Variants in PCDHGA1 observed in about 807,000 individuals in gnomAD.
PCDHGA1 encodes the protein protocadherin gamma-A1.
Under a neutral mutation model 58.0 loss-of-function variants are expected in PCDHGA1, and 32 were observed. The observed-to-expected ratio is 0.55, with a 90% CI of 0.42 to 0.74. The LOEUF is 0.74. Ranked by LOEUF, PCDHGA1 falls within the 30% of genes least tolerant of loss-of-function variation. The pLI is 0.00. For synonymous variants in PCDHGA1, 498 were observed against 501.1 expected (o/e 0.99, Z 0.08); for missense variants, 1,205 against 1,182.3 (o/e 1.02, Z -0.28).
rs9324852 is a variant in PCDHGA1, at chr5:141,510,333, C to T, written c.2570-614C>T. On this transcript the variant is annotated intron_variant, in intron 3 of 3. Coordinates refer to ENST00000517417, the MANE Select transcript of PCDHGA1 (RefSeq NM_018912.3). ...AGGCTTGGAAGAGCACTCTTCACCC[C>T]CACCCCACACACTTACTAACGGAAC... Among the ~76,000 whole-genome samples the T allele has an allele frequency of 2.4e-3, 367 of 151,698 alleles. 1 individual carries two copies. Among genetic ancestry groups the T allele is most frequent in the African/African-American group, 8.4e-3 (348 of 41,384 alleles).
intron 1 of PCDHGA1, among the ~76,000 whole-genome samples, chr5:141,458,063 G>A (rs1011861177): frequency 1.3e-5 from 2 of 152,190 alleles, no homozygotes; most frequent in African/African-American, 4.8e-5. Context: ...CTGCACTGAT[G>A]CGAACAACTA....
chr5:141,506,398 A>T (rs902405970), intron 3 of PCDHGA1, among the ~76,000 whole-genome samples: 6 of 151,394 alleles, frequency 4.0e-5, no homozygotes, highest in Admixed American at 2.6e-4. Context: ...GTGAGCAGAA[A>T]ATCGCACCAC....
At chr5:141,387,016 T>C (rs2090783508) in intron 1 of PCDHGA1, among the ~76,000 whole-genome samples, 1 of 152,202 alleles carries the variant, frequency 6.6e-6, no homozygotes, top group South Asian at 2.1e-4. Flanking sequence ...ACTTTGAAGA[T>C]GAATGTTGTA....
intron 1 of PCDHGA1, chr5:141,350,317 G>A: frequency 6.5e-7 from 1 of 1,527,098 alleles, no homozygotes; most frequent in Non-Finnish European, 8.8e-7. Flanking sequence ...TTCCCTTCCT[G>A]CTGTCTTTGT....
At chr5:141,497,500 T>G (rs1468175808) in intron 2 of PCDHGA1, among the ~76,000 whole-genome samples, 2 of 151,562 alleles carry the variant, frequency 1.3e-5, no homozygotes, top group Non-Finnish European at 2.9e-5. Context: ...CTCTCTCCTC[T>G]CTCTGCTTCC....
chr5:141,390,464 T>C (rs2092153361), intron 1 of PCDHGA1: 3 of 718,912 alleles, frequency 4.2e-6, no homozygotes, highest in Admixed American at 3.0e-5. Flanking sequence ...GTAGGAGCAA[T>C]TGTGTGGCCC....
Position 141,478,294 on chromosome 5 carries a change from A to G in PCDHGA1, c.2422-16513A>G, listed in dbSNP as rs147994096. The G allele has an allele frequency of 3.6e-3, 5,805 of 1,614,110 alleles. 30 individuals are homozygous for G. Among genetic ancestry groups the G allele is most frequent in the Non-Finnish European group, 3.4e-3 (4,026 of 1,180,032 alleles). The stretch of plus-strand genomic sequence containing the variant: ...ACAAGTGGAAGCAGTCTAGAGACCT[A>G]TACCGAGCCCCGGTGAGCTCACTGT... On this transcript the variant is annotated intron_variant, in intron 1 of 3. Coordinates refer to ENST00000517417, the MANE Select transcript of PCDHGA1 (RefSeq NM_018912.3).
chr5:141,469,573 CTAAA>C (rs1209972534), intron 1 of PCDHGA1, among the ~76,000 whole-genome samples: 2 of 151,554 alleles, frequency 1.3e-5, no homozygotes, highest in Non-Finnish European at 2.9e-5. Flanking sequence ...GACTCTGTCT[CTAAA>C]TAAATAAATA....
rs1057108915 is a variant in PCDHGA1 at position 141,511,366 on chromosome 5, T to C, written c.*193T>C. The C allele has an allele frequency of 3.8e-6, 5 of 1,306,414 alleles. No individual in the cohort carries two copies. In the Admixed American group the frequency reaches 8.4e-5, roughly 22 times the overall value. The allele number at this position is 1,306,414 out of a possible 1,614,324, so 80.9% of individuals were successfully genotyped here. A position where few individuals can be genotyped will look rare whatever the true frequency, so the allele number is the denominator to read the frequency against. On this transcript the variant is annotated 3_prime_UTR_variant, in exon 4 of 4. Transcript: ENST00000517417. ...CCCTTCCCCCCCAGGGGGTTGAATA[T>C]GCAAAAGCAGTTCCGCTGGGAACCC...
At chr5:141,462,152 G>C (rs1336635196) in intron 1 of PCDHGA1, among the ~76,000 whole-genome samples, 6 of 152,034 alleles carry the variant, frequency 3.9e-5, no homozygotes, top group African/African-American at 7.2e-5. Flanking sequence ...TAGAGATGGG[G>C]TTTCATCATG....
intron 1 of PCDHGA1, chr5:141,393,025 G>A (rs1307917992): frequency 6.2e-7 from 1 of 1,613,864 alleles, no homozygotes; most frequent in Non-Finnish European, 8.5e-7. Flanking sequence ...TCCAGAGGTA[G>A]GACGCAGCTC....
At chr5:141,395,389 G>A in intron 1 of PCDHGA1, 1 of 986,786 alleles carries the variant, frequency 1.0e-6, no homozygotes, top group South Asian at 1.8e-5. Context: ...CTATAAAATT[G>A]AACTCTAATA....
intron 1 of PCDHGA1, chr5:141,417,885 G>A (rs761442517): frequency 2.6e-6 from 4 of 1,562,806 alleles, no homozygotes; most frequent in Admixed American, 1.9e-5. Flanking sequence ...GCGCAGAGGC[G>A]CCGGGCCGGC....
At chr5:141,357,994 A>G (rs1378824795) in intron 1 of PCDHGA1, among the ~76,000 whole-genome samples, 1 of 152,294 alleles carries the variant, frequency 6.6e-6, no homozygotes, top group South Asian at 2.1e-4. Context: ...GTTCGAGACC[A>G]GTCTGGGCAA....
At chr5:141,478,725 A>C (rs2099473537) in intron 1 of PCDHGA1, 1 of 1,542,096 alleles carries the variant, frequency 6.5e-7, no homozygotes. Flanking sequence ...GGCCTGCCAG[A>C]GTGTGGTTTG....
intron 2 of PCDHGA1, among the ~76,000 whole-genome samples, chr5:141,495,912 CTT>C (rs1210428397): frequency 6.6e-6 from 1 of 152,140 alleles, no homozygotes; most frequent in Admixed American, 6.6e-5. Flanking sequence ...CTCTGTATAT[CTT>C]TCTTTGTCTC....
At chr5:141,335,338 A>C (rs1282067369) in intron 1 of PCDHGA1, among the ~76,000 whole-genome samples, 17 of 152,204 alleles carry the variant, frequency 1.1e-4, no homozygotes, top group Non-Finnish European at 1.5e-5. Context: ...GAAACAGTGA[A>C]ACTAAATATA....
Position 141,422,774 on chromosome 5 carries a change from A to G in PCDHGA1, c.2422-72033A>G, listed in dbSNP as rs372343628. On this transcript the variant is annotated intron_variant, in intron 1 of 3. Coordinates refer to ENST00000517417, the MANE Select transcript of PCDHGA1 (RefSeq NM_018912.3). ...ATTAACTCCAACACTGGTGTTCTCT[A>G]TGCCCTACAATCCTTCGACTATGAG... 100 of 1,613,880 alleles carry G rather than the reference A, an allele frequency of 6.2e-5. 1 individual carries two copies. In the Middle Eastern group the frequency reaches 1.3e-3, roughly 21 times the overall value.
chr5:141,425,949 C>T (rs2096905190), intron 1 of PCDHGA1, among the ~76,000 whole-genome samples: 1 of 152,224 alleles, frequency 6.6e-6, no homozygotes. Flanking sequence ...GTTTCCTATA[C>T]ATTAGTCCAA....
Sources: allele counts gnomAD v4.1 joint callset (sites outside exome capture counted in the v4.1 genomes callset), GRCh38; gene constraint gnomAD v4.1.1; transcripts MANE v1.5; gene names NCBI Gene and HGNC (gene_info 2026-07-23, HGNC 2026-07-21).